SLCO1B1: variants seen among roughly 807,000 people sequenced by gnomAD.
The protein encoded by SLCO1B1 is OATP-2.
SLCO1B1 carries 81 observed loss-of-function variants against 70.1 expected under a neutral mutation model. The observed-to-expected ratio is 1.16, with a 90% CI of 0.97 to 1.39. The LOEUF (loss-of-function observed/expected upper bound fraction) is 1.39. SLCO1B1 is among the 40% of genes most tolerant of loss of function. SLCO1B1 has a pLI of 0.00. For missense variants in SLCO1B1, 895 were observed against 799.6 expected (o/e 1.12, Z -1.44); for synonymous variants, 283 against 271.5 (o/e 1.04, Z -0.42).
Position 21,239,351 on chromosome 12 carries a change from G to A in SLCO1B1, c.*162G>A. The A allele has an allele frequency of 3.1e-6, 2 of 642,450 alleles. No individual in the cohort carries two copies. The highest frequency in any genetic ancestry group is 5.6e-6 in the Non-Finnish European group (2 of 354,962). 39.8% of individuals were successfully genotyped at this position (642,450 alleles called of 1,614,324 possible). On this transcript the variant is annotated 3_prime_UTR_variant, in exon 15 of 15. Coordinates refer to ENST00000256958, the MANE Select transcript of SLCO1B1 (RefSeq NM_006446.5). ...CTATGAACTTATAATAAAACAAACTGTAGGTAGAAAAAATGAGAGTACTCA... is the reference window on the plus strand; with the variant it reads ...CTATGAACTTATAATAAAACAAACTATAGGTAGAAAAAATGAGAGTACTCA...
intron 7 of SLCO1B1, among the ~76,000 whole-genome samples, chr12:21,189,192 C>T (rs532397789): frequency 1.6e-4 from 24 of 152,092 alleles, no homozygotes; most frequent in Non-Finnish European, 2.5e-4. Flanking sequence ...CTTTATAATA[C>T]CTTTTATACT....
intron 1 of SLCO1B1, among the ~76,000 whole-genome samples, chr12:21,139,296 G>A (rs1256209208): frequency 6.6e-6 from 1 of 152,032 alleles, no homozygotes; most frequent in Non-Finnish European, 1.5e-5. Context: ...TTATTACCTT[G>A]AGACTAAACA....
chr12:21,137,490 C>T (rs920067940), intron 1 of SLCO1B1, among the ~76,000 whole-genome samples: 12 of 152,206 alleles, frequency 7.9e-5, no homozygotes, highest in African/African-American at 2.9e-4. Flanking sequence ...CCAGTTCGAG[C>T]TTCCCAGCCG....
At chr12:21,144,784 T>C (rs1940359198) in intron 2 of SLCO1B1, among the ~76,000 whole-genome samples, 1 of 152,076 alleles carries the variant, frequency 6.6e-6, no homozygotes, top group African/African-American at 2.4e-5. Context: ...GAAAAGAAAT[T>C]GCAACTAAGA....
chr12:21,236,621 G>C lies in SLCO1B1; in HGVS notation c.1866-2358G>C, dbSNP rs145371931. 1.6e-3 allele frequency among the ~76,000 whole-genome samples: 238 copies of C among 152,296 alleles called. 2 individuals are homozygous for C. The highest frequency in any genetic ancestry group is 5.4e-3 in the African/African-American group (223 of 41,560). On this transcript the variant is annotated intron_variant, in intron 14 of 14. Coordinates refer to ENST00000256958, the MANE Select transcript of SLCO1B1 (RefSeq NM_006446.5). ...GATTATCAGAGATGTGAGGGGAGCA[G>C]AGAAGCACTTTCAGCTAAATTTTCA...
chr12:21,187,067 G>A (rs1030806534), intron 7 of SLCO1B1, among the ~76,000 whole-genome samples: 1 of 152,080 alleles, frequency 6.6e-6, no homozygotes, highest in South Asian at 2.1e-4. Flanking sequence ...TGCATGAGCA[G>A]GTTTTTAATG....
At chr12:21,230,599 G>A (rs1591830027) in intron 14 of SLCO1B1, among the ~76,000 whole-genome samples, 2 of 151,956 alleles carry the variant, frequency 1.3e-5, no homozygotes, top group African/African-American at 4.8e-5. Flanking sequence ...CAAAGTGCTG[G>A]CATTGCAGGT....
chr12:21,164,938 T>G, intron 2 of SLCO1B1: 1 of 420,272 alleles, frequency 2.4e-6, no homozygotes, highest in Non-Finnish European at 4.7e-6. Flanking sequence ...TAATTTTCAG[T>G]GCATTGATTA....
intron 7 of SLCO1B1, among the ~76,000 whole-genome samples, chr12:21,183,875 G>A (rs1940932946): frequency 6.6e-6 from 1 of 151,788 alleles, no homozygotes; most frequent in Non-Finnish European, 1.5e-5. Context: ...TGATCCAAAA[G>A]CTGAAAGACA....
At chr12:21,147,844 C>T (rs573145234) in intron 2 of SLCO1B1, among the ~76,000 whole-genome samples, 106 of 152,268 alleles carry the variant, frequency 7.0e-4, no homozygotes, top group Non-Finnish European at 1.3e-3. Context: ...TAAAAGCATT[C>T]CTATTTCTCC....
chr12:21,220,361 T>C (rs1384844676), intron 12 of SLCO1B1, among the ~76,000 whole-genome samples: 1 of 152,144 alleles, frequency 6.6e-6, no homozygotes, highest in Non-Finnish European at 1.5e-5. Flanking sequence ...AACGTACAGA[T>C]GGTATTTATT....
chr12:21,231,942 A>G (rs1205417583), intron 14 of SLCO1B1, among the ~76,000 whole-genome samples: 1 of 152,116 alleles, frequency 6.6e-6, no homozygotes, highest in East Asian at 1.9e-4. Flanking sequence ...AGAAATAGTA[A>G]TCTCCTAGGT....
intron 12 of SLCO1B1, 68 bp from the exon 13 acceptor site, chr12:21,222,232 G>A: frequency 2.7e-6 from 2 of 733,860 alleles, no homozygotes. Context: ...CACAGGAGAA[G>A]GTTTAATGTT....
intron 7 of SLCO1B1, among the ~76,000 whole-genome samples, 186 bp downstream of exon 7, chr12:21,179,206 A>G (rs370685299): frequency 2.6e-5 from 4 of 152,216 alleles, no homozygotes; most frequent in East Asian, 1.9e-4. Context: ...TATTTATACT[A>G]TCTTTATAAC....
Position 21,202,478 on chromosome 12 carries a change from CTT to C in SLCO1B1, c.1136-6_1136-5del, listed in dbSNP as rs765114418. On this transcript the variant is annotated splice_polypyrimidine_tract_variant and intron_variant, in intron 9 of 14. Transcript: ENST00000256958. ...CTCATATATGATTACAACTTTTTTT[CTT>C]TTTTTTCTAGGAGTCATAACCATAC... 20 of 1,548,566 alleles carry C rather than the reference CTT, an allele frequency of 1.3e-5. No individual in the cohort carries two copies. Among genetic ancestry groups the C allele is most frequent in the Non-Finnish European group, 1.7e-5 (19 of 1,136,718 alleles).
chr12:21,201,262 T>A (rs1449824959), intron 9 of SLCO1B1, among the ~76,000 whole-genome samples: 1 of 152,250 alleles, frequency 6.6e-6, no homozygotes, highest in East Asian at 1.9e-4. Flanking sequence ...AAATATATGA[T>A]GAATTAAACA....
intron 14 of SLCO1B1, among the ~76,000 whole-genome samples, chr12:21,230,494 C>A (rs1402932121): frequency 1.3e-5 from 2 of 151,890 alleles, no homozygotes. Flanking sequence ...CCATACCCGG[C>A]TAATTTTGTA....
chr12:21,175,926 A>G (rs182321713), intron 4 of SLCO1B1, among the ~76,000 whole-genome samples: 2 of 152,224 alleles, frequency 1.3e-5, no homozygotes, highest in African/African-American at 4.8e-5. Flanking sequence ...AATATGCCAT[A>G]ATATGTGACA....
At chr12:21,235,258 TA>T (rs1450929527) in intron 14 of SLCO1B1, among the ~76,000 whole-genome samples, 2 of 151,858 alleles carry the variant, frequency 1.3e-5, no homozygotes, top group African/African-American at 2.4e-5. Context: ...TTAGATTAGT[TA>T]AATCTTGTTG....
Sources: allele counts gnomAD v4.1 joint callset (sites outside exome capture counted in the v4.1 genomes callset), GRCh38; gene constraint gnomAD v4.1.1; transcripts MANE v1.5; gene names NCBI Gene and HGNC (gene_info 2026-07-23, HGNC 2026-07-21).